Variants in C2CD5 observed in about 807,000 individuals in gnomAD.
C2CD5 encodes the protein C2 domain-containing protein 5.
C2CD5 carries 109 observed loss-of-function variants against 130.3 expected under a neutral mutation model. The observed-to-expected ratio is 0.84, with a 90% confidence interval of 0.72 to 0.98. The LOEUF (loss-of-function observed/expected upper bound fraction) is 0.98. Among genes scored for constraint, C2CD5 ranks in the 50% least tolerant of loss-of-function variants. The pLI is 0.00. For synonymous variants in C2CD5, 454 were observed against 429.2 expected, an observed-to-expected ratio of 1.06 and a Z score of -0.71; for missense variants, 996 against 1,261.8, an observed-to-expected ratio of 0.79 and a Z score of 3.19.
chr12:22,504,230 A>T (rs1389464361), intron 10 of C2CD5, among the ~76,000 whole-genome samples: 1 of 151,572 alleles, frequency 6.6e-6, no homozygotes, highest in African/African-American at 2.4e-5. Context: ...AGTAAACTTC[A>T]CCTGTTCTCC....
chr12:22,471,395 T>C lies in C2CD5; in HGVS notation c.2358+4A>G. 7.1e-7 allele frequency: 1 copy of C among 1,412,398 alleles called. No homozygotes were observed. Among genetic ancestry groups the C allele is most frequent in the Non-Finnish European group, 1.0e-6 (1 of 999,552 alleles). The allele number at this position is 1,412,398 out of a possible 1,614,324, so 87.5% of individuals were successfully genotyped here. On this transcript the variant is annotated splice_donor_region_variant and intron_variant, in intron 20 of 26. Transcript: ENST00000446597. ...AGACTAATAATGGACTAAATCTTAA[T>C]TACCTGAATTAATTCATCTTCAGGC...
chr12:22,515,279 C>G (rs1949604206), intron 8 of C2CD5: 1 of 195,630 alleles, frequency 5.1e-6, no homozygotes, highest in Non-Finnish European at 9.3e-6. Context: ...ACAAATTACA[C>G]TAAGCAAATG....
chr12:22,448,916 G>T lies in C2CD5; in HGVS notation c.*844C>A, dbSNP rs550268727. 2 of 152,402 alleles carry T rather than the reference G, an allele frequency of 1.3e-5. No individual in the cohort carries two copies. The highest frequency in any genetic ancestry group is 4.8e-5 in the African/African-American group (2 of 41,382). The allele number at this position is 152,402 out of a possible 1,614,324, so 9.4% of individuals were successfully genotyped here. A position where few individuals can be genotyped will look rare whatever the true frequency, so the allele number is the denominator to read the frequency against. ...ATCCCTCAGATATTACTAAAATCCT[G>T]TTTATTTGGTAGGAGTGCAATATTA... is the stretch of plus-strand genomic sequence containing the variant. On this transcript the variant is annotated 3_prime_UTR_variant, in exon 27 of 27. Coordinates refer to ENST00000446597, the MANE Select transcript of C2CD5 (RefSeq NM_001286176.2).
intron 5 of C2CD5, among the ~76,000 whole-genome samples, chr12:22,525,244 T>A (rs982988027): frequency 3.3e-5 from 5 of 152,280 alleles, no homozygotes; most frequent in Non-Finnish European, 4.4e-5. Flanking sequence ...ATCACCAAGA[T>A]CTGCCCATTT....
intron 22 of C2CD5, chr12:22,460,734 C>T (rs1021450928): frequency 3.3e-5 from 5 of 151,558 alleles, no homozygotes; most frequent in Non-Finnish European, 7.3e-5. Flanking sequence ...CCCACCACCA[C>T]GCCCGACTAA....
intron 12 of C2CD5, among the ~76,000 whole-genome samples, chr12:22,489,861 G>A (rs1371917764): frequency 6.6e-6 from 1 of 151,912 alleles, no homozygotes; most frequent in Non-Finnish European, 1.5e-5. Flanking sequence ...AAAAAAAAAT[G>A]GACACCTGAA....
chr12:22,509,943 G>A (rs557217094), intron 9 of C2CD5, among the ~76,000 whole-genome samples: 32 of 152,128 alleles, frequency 2.1e-4, no homozygotes, highest in Non-Finnish European at 3.5e-4. Flanking sequence ...AGTGGCTCAC[G>A]CCTGTAATCC....
intron 7 of C2CD5, 50 bp downstream of exon 7, chr12:22,523,376 G>C (rs375401326): frequency 2.1e-6 from 3 of 1,428,242 alleles, no homozygotes; most frequent in Non-Finnish European, 2.9e-6. Context: ...AAAAAGCATA[G>C]ATAAAAGATA....
intron 3 of C2CD5, among the ~76,000 whole-genome samples, chr12:22,532,986 A>G (rs921287055): frequency 1.3e-5 from 2 of 152,190 alleles, no homozygotes; most frequent in African/African-American, 2.4e-5. Flanking sequence ...GTTCCAGCTG[A>G]GGGGTGAAGG....
At chr12:22,458,805 G>A (rs1940509030) in intron 23 of C2CD5, 1 of 312,496 alleles carries the variant, frequency 3.2e-6, no homozygotes, top group Admixed American at 5.0e-5. Context: ...CATTTCTGGT[G>A]ATGTCATAGT....
intron 4 of C2CD5, among the ~76,000 whole-genome samples, 173 bp downstream of exon 4, chr12:22,527,548 C>T (rs998871040): frequency 9.2e-5 from 14 of 151,828 alleles, no homozygotes; most frequent in African/African-American, 3.1e-4. Flanking sequence ...GAACTCCCGA[C>T]CTCAGGTGAT....
At chr12:22,498,969 T>C (rs1947394707) in intron 10 of C2CD5, among the ~76,000 whole-genome samples, 1 of 152,142 alleles carries the variant, frequency 6.6e-6, no homozygotes, top group Admixed American at 6.6e-5. Context: ...AAATAGTAAA[T>C]TATCCGCAAC....
chr12:22,521,243 C>T (rs1950241940), intron 7 of C2CD5, among the ~76,000 whole-genome samples: 1 of 152,094 alleles, frequency 6.6e-6, no homozygotes, highest in Non-Finnish European at 1.5e-5. Flanking sequence ...ATAAAACAGC[C>T]TGAGTATTGA....
At chr12:22,512,268 G>C (rs557585138) in intron 9 of C2CD5, among the ~76,000 whole-genome samples, 1 of 152,166 alleles carries the variant, frequency 6.6e-6, no homozygotes, top group Non-Finnish European at 1.5e-5. Flanking sequence ...CTCTAGAGGA[G>C]AAATACTTTA....
intron 3 of C2CD5, among the ~76,000 whole-genome samples, chr12:22,530,709 G>A (rs993858147): frequency 2.0e-5 from 3 of 151,840 alleles, no homozygotes; most frequent in African/African-American, 7.3e-5. Context: ...CGCCTGCCTC[G>A]GCTTCCCAAA....
At position 22,468,070 on chromosome 12, in the gene C2CD5, CT is replaced by C. The variant is rs78542498; in HGVS notation, c.2533+1638del. Reference sequence around the variant, plus strand: ...AACCTTTGTCGATTAGGTTTTAGGGCTTTTTTTTTTTTTTTTGGCCCCTATT... The same window carrying C: ...AACCTTTGTCGATTAGGTTTTAGGGCTTTTTTTTTTTTTTTGGCCCCTATT... On this transcript the variant is annotated intron_variant, in intron 22 of 26. Coordinates refer to ENST00000446597, the MANE Select transcript of C2CD5 (RefSeq NM_001286176.2). Among the ~76,000 whole-genome samples the C allele has an allele frequency of 7.1e-3, 861 of 120,540 alleles. 1 individual carries two copies. Among genetic ancestry groups the C allele is most frequent in the East Asian group, 9.6e-3 (40 of 4,172 alleles). 79.1% of individuals were successfully genotyped at this position (120,540 alleles called of 152,430 possible).
At chr12:22,471,004 AC>A in intron 20 of C2CD5, 93 bp from the exon 21 acceptor site, 1 of 742,792 alleles carries the variant, frequency 1.3e-6, no homozygotes, top group Middle Eastern at 3.2e-4. Flanking sequence ...AACAACCTAC[AC>A]CAAATACCTT....
At chr12:22,450,589 T>C (rs1291764547) in intron 26 of C2CD5, among the ~76,000 whole-genome samples, 1 of 152,076 alleles carries the variant, frequency 6.6e-6, no homozygotes, top group Non-Finnish European at 1.5e-5. Context: ...CATAATTATA[T>C]ATATCCTTCT....
chr12:22,479,107 G>C (rs911687134), intron 14 of C2CD5, among the ~76,000 whole-genome samples: 15 of 150,410 alleles, frequency 1.0e-4, no homozygotes, highest in African/African-American at 3.4e-4. Context: ...GAAGTCCCAC[G>C]CTTTCACCCA....
Sources: allele counts gnomAD v4.1 joint callset (sites outside exome capture counted in the v4.1 genomes callset), GRCh38; gene constraint gnomAD v4.1.1; transcripts MANE v1.5; gene names NCBI Gene and HGNC (gene_info 2026-07-23, HGNC 2026-07-21).